PTPN4: variants seen among roughly 807,000 people sequenced by gnomAD.
The protein encoded by PTPN4 is protein tyrosine phosphatase non-receptor type 4, also known as tyrosine-protein phosphatase non-receptor type 4.
A neutral mutation model predicts 135.5 loss-of-function variants in PTPN4; 49 were observed. The ratio of observed to expected loss-of-function variants is 0.36; its 90% CI spans 0.29 to 0.46. The LOEUF is 0.46. Ranked by LOEUF, PTPN4 falls within the 20% of genes least tolerant of loss-of-function variation. The probability of loss-of-function intolerance (pLI) is 1.00; values close to 1 mark genes in which losing one functional copy is unlikely to be tolerated. For missense variants in PTPN4, 860 were observed against 1,101.0 expected (o/e 0.78, Z 3.10); for synonymous variants, 333 against 369.9 (o/e 0.90, Z 1.14).
At position 119,885,932 on chromosome 2, in the gene PTPN4, C is replaced by G. The variant is rs371599364; in HGVS notation, c.675+50C>G. On this transcript the variant is annotated intron_variant, in intron 9 of 26. Coordinates refer to ENST00000263708, the MANE Select transcript of PTPN4 (RefSeq NM_002830.4). ...TGTTGTTGAGTTAGGCTCCGTTACT[C>G]AATATAACATTTTTTAAGATTAGAT... 9 of 1,259,468 alleles carry G rather than the reference C, an allele frequency of 7.1e-6. No homozygotes were observed. In the East Asian group the frequency reaches 7.5e-5, roughly 11 times the overall value. The allele number at this position is 1,259,468 out of a possible 1,614,324, so 78.0% of individuals were successfully genotyped here.
Position 119,983,768 on chromosome 2 carries a change from C to T in PTPN4, c.*6698C>T, listed in dbSNP as rs1679727259. The stretch of plus-strand genomic sequence containing the variant: ...GTGTGATCTTAGCTTTGCAGGTTTT[C>T]TGTAATTTATGTAGCACAATAAAGG... On this transcript the variant is annotated 3_prime_UTR_variant, in exon 27 of 27. Coordinates refer to ENST00000263708, the MANE Select transcript of PTPN4 (RefSeq NM_002830.4). 1 of 152,128 alleles carries T rather than the reference C, an allele frequency of 6.6e-6. No homozygotes were observed. Among genetic ancestry groups the T allele is most frequent in the Non-Finnish European group, 1.5e-5 (1 of 68,022 alleles). The allele number at this position is 152,128 out of a possible 1,614,324, so 9.4% of individuals were successfully genotyped here.
intron 9 of PTPN4, among the ~76,000 whole-genome samples, chr2:119,894,144 A>G (rs1033945447): frequency 1.3e-5 from 2 of 152,172 alleles, no homozygotes; most frequent in African/African-American, 2.4e-5. Flanking sequence ...TGACCATATA[A>G]TCCCTATTTC....
chr2:119,887,847 A>C (rs72838963), intron 9 of PTPN4, among the ~76,000 whole-genome samples: 3,660 of 152,076 alleles, frequency 0.024, 64 homozygotes, highest in Non-Finnish European at 0.033. Context: ...TGCTTTGGCT[A>C]TTTGAGCTCT....
chr2:119,920,781 G>A (rs934224227), intron 12 of PTPN4, among the ~76,000 whole-genome samples: 11 of 151,922 alleles, frequency 7.2e-5, no homozygotes, highest in South Asian at 4.1e-4. Context: ...TTTTCCTGAC[G>A]GCAACAAATC....
chr2:119,776,574 C>CA (rs1558722080), intron 1 of PTPN4, among the ~76,000 whole-genome samples: 1 of 152,130 alleles, frequency 6.6e-6, no homozygotes, highest in Non-Finnish European at 1.5e-5. Flanking sequence ...TCCTGCTTCC[C>CA]CTTCCACTTC....
intron 2 of PTPN4, among the ~76,000 whole-genome samples, chr2:119,839,801 G>A (rs149575288): frequency 1.0e-3 from 159 of 152,238 alleles, no homozygotes; most frequent in Non-Finnish European, 1.7e-3. Flanking sequence ...TATTTGCTAA[G>A]CCATCTAGTT....
At chr2:119,947,279 G>A (rs1679148609) in intron 18 of PTPN4, among the ~76,000 whole-genome samples, 1 of 152,100 alleles carries the variant, frequency 6.6e-6, no homozygotes. Flanking sequence ...TCTAGGAAAG[G>A]TATGAACCAG....
chr2:119,966,545 A>G (rs1053133643), intron 25 of PTPN4, among the ~76,000 whole-genome samples: 6 of 152,186 alleles, frequency 3.9e-5, no homozygotes, highest in South Asian at 2.1e-4. Context: ...GGTGTGAGCC[A>G]CCGCGCCTCA....
At chr2:119,889,055 G>C (rs866000080) in intron 9 of PTPN4, among the ~76,000 whole-genome samples, 33 of 152,080 alleles carry the variant, frequency 2.2e-4, no homozygotes, top group African/African-American at 7.7e-4. Flanking sequence ...ATTCAGTCGT[G>C]GTAGGTTATA....
Position 119,981,620 on chromosome 2 carries a change from A to T in PTPN4, c.*4550A>T, listed in dbSNP as rs571463938. 4.4e-4 allele frequency: 67 copies of T among 152,200 alleles called. 1 individual carries two copies. Among genetic ancestry groups the T allele is most frequent in the Non-Finnish European group, 2.9e-5 (2 of 67,940 alleles). 9.4% of individuals were successfully genotyped at this position (152,200 alleles called of 1,614,324 possible). A position where few individuals can be genotyped will look rare whatever the true frequency, so the allele number is the denominator to read the frequency against. On this transcript the variant is annotated 3_prime_UTR_variant, in exon 27 of 27. Transcript: ENST00000263708. ...AGGGCTAATTGATAATAATTTCAGC[A>T]ATTTTATTAAGAACCCAGTAAATTA...
At chr2:119,975,563 G>A (rs905487645) in intron 26 of PTPN4, among the ~76,000 whole-genome samples, 11 of 152,040 alleles carry the variant, frequency 7.2e-5, no homozygotes, top group South Asian at 2.1e-4. Flanking sequence ...CTGTCTCTGC[G>A]AAAGTACAAA....
chr2:119,943,650 A>G (rs535614844), intron 15 of PTPN4, among the ~76,000 whole-genome samples: 1 of 127,582 alleles, frequency 7.8e-6, no homozygotes, highest in Non-Finnish European at 1.5e-5. Context: ...CAGTGGCGCG[A>G]TCTTGGCTCA....
At position 119,983,267 on chromosome 2, in the gene PTPN4, AG is replaced by A. The variant is rs1350555871; in HGVS notation, c.*6202del. ...TACAATTATTACCAGGAATCCGTCA[AG>A]GGGGAGATAGCCCCGCTCACACCCT... On this transcript the variant is annotated 3_prime_UTR_variant, in exon 27 of 27. Coordinates refer to ENST00000263708, the MANE Select transcript of PTPN4 (RefSeq NM_002830.4). 1 of 152,252 alleles carries A rather than the reference AG, an allele frequency of 6.6e-6. No individual in the cohort carries two copies. The highest frequency in any genetic ancestry group is 2.4e-5 in the African/African-American group (1 of 41,474). 9.4% of individuals were successfully genotyped at this position (152,252 alleles called of 1,614,324 possible).
At chr2:119,784,946 C>G (rs1328168232) in intron 1 of PTPN4, among the ~76,000 whole-genome samples, 1 of 31,834 alleles carries the variant, frequency 3.1e-5, no homozygotes, top group Non-Finnish European at 7.0e-5. Flanking sequence ...TTCTTCTATT[C>G]ATTTTATGAT....
At chr2:119,793,339 G>A (rs989379980) in intron 1 of PTPN4, among the ~76,000 whole-genome samples, 34 of 152,246 alleles carry the variant, frequency 2.2e-4, no homozygotes, top group African/African-American at 5.3e-4. Context: ...TGTCCTGCCC[G>A]GCTCCCAGGC....
chr2:119,952,289 G>T lies in PTPN4; in HGVS notation c.1813+160G>T, dbSNP rs575803317. On this transcript the variant is annotated intron_variant, in intron 19 of 26. Coordinates refer to ENST00000263708, the MANE Select transcript of PTPN4 (RefSeq NM_002830.4). ...ACGTGGAGCAGAATTCAAGTTCTTTGCCCCCCCACCCCTTGCTCCCACTCA... is the reference window on the plus strand; with the variant it reads ...ACGTGGAGCAGAATTCAAGTTCTTTTCCCCCCCACCCCTTGCTCCCACTCA... Among the ~76,000 whole-genome samples, 47 of 151,614 alleles carry T rather than the reference G, an allele frequency of 3.1e-4. No homozygotes were observed. In the South Asian group the frequency reaches 8.8e-3, roughly 28 times the overall value.
rs199946982 is a variant in PTPN4, at chr2:119,934,975, T to C, written c.1355+17T>C. On this transcript the variant is annotated intron_variant, in intron 15 of 26. Coordinates refer to ENST00000263708, the MANE Select transcript of PTPN4 (RefSeq NM_002830.4). ...ATCATCACCGTAAGAGCTTTTTTAT[T>C]TTGCTTCCTCTGTATTTTCAAATGC... The C allele has an allele frequency of 5.6e-6, 9 of 1,592,970 alleles. No homozygotes were observed. In the African/African-American group the frequency reaches 1.1e-4, roughly 19 times the overall value.
At chr2:119,821,001 T>C (rs749839527) in intron 2 of PTPN4, among the ~76,000 whole-genome samples, 3 of 151,924 alleles carry the variant, frequency 2.0e-5, no homozygotes, top group Non-Finnish European at 4.4e-5. Flanking sequence ...ATCCTCTTGG[T>C]AATTCAGTAT....
At chr2:119,872,247 C>T (rs1200568017) in intron 3 of PTPN4, among the ~76,000 whole-genome samples, 1 of 152,028 alleles carries the variant, frequency 6.6e-6, no homozygotes, top group African/African-American at 2.4e-5. Flanking sequence ...GATCTAGTGA[C>T]TCTCCAGAAT....
Sources: gnomAD v4.1 joint callset for allele counts (sites outside exome capture counted in the v4.1 genomes callset) on GRCh38, gnomAD v4.1.1 for gene constraint, MANE v1.5 for transcripts, NCBI Gene and HGNC (gene_info 2026-07-23, HGNC 2026-07-21) for gene names.